POTEJ: variants seen among roughly 807,000 people sequenced by gnomAD.
POTEJ encodes POTE ankyrin domain family member J.
Under a neutral mutation model 69.0 loss-of-function variants are expected in POTEJ, and 11 were observed. That is an observed-to-expected ratio of 0.16 (90% CI 0.10 to 0.26). The LOEUF is 0.26. Ranked by LOEUF, POTEJ falls within the 10% of genes least tolerant of loss-of-function variation. The probability of loss-of-function intolerance (pLI) is 1.00; values close to 1 mark genes in which losing one functional copy is unlikely to be tolerated. For synonymous variants in POTEJ, 117 were observed against 381.1 expected (o/e 0.31, Z 8.07); for missense variants, 327 against 1,045.5 (o/e 0.31, Z 9.48).
At chr2:130,647,141 TA>T (rs1258999575) in intron 13 of POTEJ, among the ~76,000 whole-genome samples, 2 of 150,818 alleles carry the variant, frequency 1.3e-5, no homozygotes, top group Non-Finnish European at 2.9e-5. Context: ...GCAACCATTT[TA>T]AAAAAATGAG....
At chr2:130,655,208 A>G (rs1686940524) in intron 14 of POTEJ, among the ~76,000 whole-genome samples, 167 bp downstream of exon 14, 2 of 151,920 alleles carry the variant, frequency 1.3e-5, no homozygotes, top group African/African-American at 4.9e-5. Context: ...CATGTTCTTA[A>G]TTCACCTTCA....
rs966852529 is a variant in POTEJ, at chr2:130,643,273, C to T, written c.1370-710C>T. The stretch of plus-strand genomic sequence containing the variant: ...ATAAGGCCAGGTGTGGTGGCTCACA[C>T]CTGTAATCCCAGCACTTTCAGAGGG... On this transcript the variant is annotated intron_variant, in intron 10 of 14. Transcript: ENST00000409602. 2.9e-3 allele frequency among the ~76,000 whole-genome samples: 406 copies of T among 141,460 alleles called. 38 individuals are homozygous for T. Among genetic ancestry groups the T allele is most frequent in the Non-Finnish European group, 4.5e-3 (287 of 63,418 alleles). 92.8% of individuals were successfully genotyped at this position (141,460 alleles called of 152,430 possible).
At chr2:130,637,210 G>T (rs1298497492) in intron 9 of POTEJ, among the ~76,000 whole-genome samples, 1 of 151,256 alleles carries the variant, frequency 6.6e-6, no homozygotes, top group African/African-American at 2.4e-5. Context: ...TATTTAGGGA[G>T]AAAAGCCCAA....
chr2:130,638,354 C>T (rs1335466275), intron 9 of POTEJ, among the ~76,000 whole-genome samples: 1 of 150,968 alleles, frequency 6.6e-6, no homozygotes, highest in Non-Finnish European at 1.5e-5. Flanking sequence ...AGAGTTGGGA[C>T]ACTTTCTATT....
chr2:130,612,568 G>A (rs1389789536), intron 1 of POTEJ, among the ~76,000 whole-genome samples: 9 of 152,270 alleles, frequency 5.9e-5, no homozygotes, highest in African/African-American at 1.9e-4. Flanking sequence ...AGACCATCCT[G>A]GCTAACACGG....
intron 13 of POTEJ, among the ~76,000 whole-genome samples, chr2:130,650,038 A>G (rs1232955549): frequency 6.6e-6 from 1 of 152,270 alleles, no homozygotes; most frequent in Admixed American, 6.5e-5. Context: ...GGACTAACAG[A>G]AAGGAATTAG....
chr2:130,625,306 A>C (rs952501517), intron 6 of POTEJ, among the ~76,000 whole-genome samples: 4 of 152,052 alleles, frequency 2.6e-5, no homozygotes, highest in African/African-American at 9.7e-5. Context: ...ATAACTATCA[A>C]ATGTCTTTTA....
At chr2:130,631,196 ATG>A (rs1685886431) in intron 7 of POTEJ, among the ~76,000 whole-genome samples, 1 of 148,818 alleles carries the variant, frequency 6.7e-6, no homozygotes, top group Non-Finnish European at 1.5e-5. Flanking sequence ...GAAGCCAGTA[ATG>A]TGGCAGTAGC....
intron 9 of POTEJ, among the ~76,000 whole-genome samples, chr2:130,637,063 A>G: frequency 6.8e-6 from 1 of 146,238 alleles, no homozygotes; most frequent in African/African-American, 2.5e-5. Context: ...TGGGTGACAG[A>G]GCAAGACTCC....
intron 10 of POTEJ, among the ~76,000 whole-genome samples, chr2:130,639,125 A>T (rs1460191440): frequency 6.6e-6 from 1 of 152,310 alleles, no homozygotes; most frequent in African/African-American, 2.4e-5. Context: ...AGCCATAAGG[A>T]GTGGCTGTAA....
intron 10 of POTEJ, among the ~76,000 whole-genome samples, chr2:130,643,448 G>C (rs1455035869): frequency 2.6e-4 from 36 of 136,450 alleles, no homozygotes; most frequent in African/African-American, 9.4e-4. Flanking sequence ...GAACCAGGGA[G>C]GCGGAGGTTG....
At chr2:130,648,787 T>G (rs1201836672) in intron 13 of POTEJ, among the ~76,000 whole-genome samples, 5 of 93,130 alleles carry the variant, frequency 5.4e-5, no homozygotes, top group East Asian at 4.9e-4. Context: ...CATAGTTTTT[T>G]TTTTTTTTTT....
upstream of POTEJ, chr2:130,611,382 G>A: frequency 7.9e-6 from 4 of 506,246 alleles, no homozygotes; most frequent in South Asian, 6.3e-5. Flanking sequence ...GGGGTGGGTT[G>A]GGCTTACCTG....
intron 6 of POTEJ, among the ~76,000 whole-genome samples, chr2:130,625,923 A>T (rs1015271155): frequency 8.9e-5 from 12 of 135,078 alleles, no homozygotes; most frequent in African/African-American, 3.8e-4. Context: ...AGTAAGAACC[A>T]GAGTTGTTTT....
rs1417918109 is a variant in POTEJ at position 130,640,314 on chromosome 2, A to G, written c.1369+1625A>G. 3.5e-5 allele frequency among the ~76,000 whole-genome samples: 5 copies of G among 142,122 alleles called. No individual in the cohort carries two copies. The East Asian group carries it at 9.7e-4, about 28-fold the overall frequency. 93.2% of individuals were successfully genotyped at this position (142,122 alleles called of 152,430 possible). A position where few individuals can be genotyped will look rare whatever the true frequency, so the allele number is the denominator to read the frequency against. On this transcript the variant is annotated intron_variant, in intron 10 of 14. Transcript: ENST00000409602. ...TTTGGTATTACCAAAAGTGTGAGATACCAGAGGTTGGGAGTGAGGTGAATA... is the reference window on the plus strand; with the variant it reads ...TTTGGTATTACCAAAAGTGTGAGATGCCAGAGGTTGGGAGTGAGGTGAATA...
At chr2:130,629,525 G>A (rs1332690437) in intron 6 of POTEJ, among the ~76,000 whole-genome samples, 1 of 143,320 alleles carries the variant, frequency 7.0e-6, no homozygotes, top group South Asian at 2.1e-4. Context: ...TTCAGGCAGG[G>A]TCACCATGAC....
At position 130,656,959 on chromosome 2, in the gene POTEJ, C is replaced by G. The variant is rs1687023263; in HGVS notation, c.2199C>G (p.Pro733=). The G allele has an allele frequency of 6.3e-7, 1 of 1,597,898 alleles. No individual in the cohort carries two copies. Residue 733 remains proline, a synonymous_variant, in exon 15 of 15, where the codon CCC becomes CCG. Coordinates refer to ENST00000409602, the MANE Select transcript of POTEJ (RefSeq NM_001277083.2). ...SKRGILTLKY[P]MEHGIITNWD... ...GAGGCATCCTGACCCTGAAGTACCC[C>G]ATGGAACACGGCATCATCACCAACT...
intron 6 of POTEJ, among the ~76,000 whole-genome samples, chr2:130,625,574 G>A (rs1361230122): frequency 6.6e-6 from 1 of 151,016 alleles, no homozygotes; most frequent in African/African-American, 2.5e-5. Flanking sequence ...TCTAGGTAAA[G>A]AAGCAGAAGA....
chr2:130,626,373 G>A (rs1376844211), intron 6 of POTEJ, among the ~76,000 whole-genome samples: 1 of 151,994 alleles, frequency 6.6e-6, no homozygotes, highest in East Asian at 1.9e-4. Flanking sequence ...AATTTGAGCA[G>A]GGGAGTCACA....
Sources: allele counts gnomAD v4.1 joint callset (sites outside exome capture counted in the v4.1 genomes callset), GRCh38; gene constraint gnomAD v4.1.1; transcripts MANE v1.5; gene names NCBI Gene and HGNC (gene_info 2026-07-23, HGNC 2026-07-21).